The following GRID1 variants were observed in gnomAD, a reference collection of about 807,000 sequenced individuals.
GRID1 encodes the protein glutamate receptor ionotropic, delta-1.
Under a neutral mutation model 98.0 loss-of-function variants are expected in GRID1, and 28 were observed. That is an observed-to-expected ratio of 0.29 (90% CI 0.21 to 0.39). The LOEUF is 0.39. GRID1 is among the 10% of genes least tolerant of loss of function. GRID1 has a pLI of 1.00. For missense variants in GRID1, 1,111 were observed against 1,340.5 expected, an observed-to-expected ratio of 0.83 and a Z score of 2.67; for synonymous variants, 553 against 538.5, an observed-to-expected ratio of 1.03 and a Z score of -0.37.
intron 8 of GRID1, among the ~76,000 whole-genome samples, chr10:85,779,846 T>TG (rs1165323975): frequency 6.6e-6 from 1 of 152,208 alleles, no homozygotes; most frequent in Non-Finnish European, 1.5e-5. Flanking sequence ...ATGGAAATGA[T>TG]GGGTGCTTTC....
intron 5 of GRID1, among the ~76,000 whole-genome samples, chr10:85,875,216 C>T (rs1243305467): frequency 1.3e-5 from 2 of 152,100 alleles, no homozygotes; most frequent in East Asian, 3.9e-4. Flanking sequence ...TATAGAAAGA[C>T]AGCCCTTGCT....
chr10:86,083,694 T>A (rs1423263874), intron 4 of GRID1, among the ~76,000 whole-genome samples: 1 of 152,184 alleles, frequency 6.6e-6, no homozygotes. Flanking sequence ...GCTATCTTCA[T>A]CCCTAGGAAG....
At chr10:86,164,299 T>C (rs1394231334) in intron 3 of GRID1, among the ~76,000 whole-genome samples, 2 of 151,944 alleles carry the variant, frequency 1.3e-5, no homozygotes, top group East Asian at 1.9e-4. Context: ...TTCAGAACCA[T>C]GGAGGTGAGC....
At chr10:85,639,378 T>C (rs1843087800) in intron 13 of GRID1, among the ~76,000 whole-genome samples, 2 of 152,330 alleles carry the variant, frequency 1.3e-5, no homozygotes, top group Non-Finnish European at 1.5e-5. Context: ...AAATTTAATG[T>C]GTGGTGCTAG....
intron 2 of GRID1, among the ~76,000 whole-genome samples, chr10:86,227,475 A>G (rs1322691101): frequency 6.6e-6 from 1 of 152,120 alleles, no homozygotes; most frequent in East Asian, 1.9e-4. Context: ...CACAGGAGCA[A>G]TCTTCCTAAA....
intron 2 of GRID1, among the ~76,000 whole-genome samples, chr10:86,252,757 C>T (rs79580489): frequency 0.04 from 6,151 of 152,218 alleles, 235 homozygotes; most frequent in Admixed American, 0.11. Flanking sequence ...ATAACATTAC[C>T]GTCTCTGGGG....
At chr10:85,910,732 T>C (rs1841525887) in intron 5 of GRID1, among the ~76,000 whole-genome samples, 1 of 152,222 alleles carries the variant, frequency 6.6e-6, no homozygotes, top group South Asian at 2.1e-4. Flanking sequence ...ACCCTCATGC[T>C]AGGAACTTTA....
At chr10:85,692,838 AG>A (rs1841348783) in intron 12 of GRID1, among the ~76,000 whole-genome samples, 1 of 152,216 alleles carries the variant, frequency 6.6e-6, no homozygotes, top group African/African-American at 2.4e-5. Context: ...AACAAGCTAC[AG>A]GAAGTAACTG....
intron 12 of GRID1, among the ~76,000 whole-genome samples, chr10:85,666,254 G>A (rs1159296721): frequency 6.6e-6 from 1 of 152,140 alleles, no homozygotes; most frequent in African/African-American, 2.4e-5. Context: ...AGCCAGTATT[G>A]AAAACCAGGT....
rs547656128 is a variant in GRID1 at position 85,827,767 on chromosome 10, A to T, written c.1233+26729T>A. Among the ~76,000 whole-genome samples the T allele has an allele frequency of 6.2e-4, 95 of 152,302 alleles. 1 individual carries two copies. The South Asian group carries it at 0.019, about 31-fold the overall frequency. On this transcript the variant is annotated intron_variant, in intron 8 of 15. Transcript: ENST00000327946. ...ACCTAACTATTCTAAATATATATGC[A>T]TCAAACCCAGAAGCACCAAGGTCTT...
intron 4 of GRID1, among the ~76,000 whole-genome samples, chr10:86,133,938 A>C (rs896557969): frequency 6.6e-6 from 1 of 152,222 alleles, no homozygotes; most frequent in Non-Finnish European, 1.5e-5. Context: ...GTTTAAAATC[A>C]TTTAATTTTT....
chr10:86,103,332 C>T (rs938848362), intron 4 of GRID1, among the ~76,000 whole-genome samples: 6 of 152,220 alleles, frequency 3.9e-5, no homozygotes, highest in African/African-American at 1.4e-4. Context: ...CCAGAGCTGG[C>T]CATCAATTCC....
At chr10:85,731,842 AGG>A in intron 8 of GRID1, among the ~76,000 whole-genome samples, 1 of 111,768 alleles carries the variant, frequency 8.9e-6, no homozygotes, top group African/African-American at 3.3e-5. Flanking sequence ...GAAGGGAGGG[AGG>A]GAGGGAGGAA....
At chr10:86,259,716 G>A (rs1229543940) in intron 2 of GRID1, among the ~76,000 whole-genome samples, 1 of 152,214 alleles carries the variant, frequency 6.6e-6, no homozygotes, top group East Asian at 1.9e-4. Context: ...AAATGGCAGG[G>A]GCAGGGAAGG....
chr10:85,837,288 T>C (rs1590257066), intron 8 of GRID1, among the ~76,000 whole-genome samples: 1 of 152,222 alleles, frequency 6.6e-6, no homozygotes, highest in African/African-American at 2.4e-5. Context: ...CCAAACCAAC[T>C]CCACCTCCAG....
chr10:86,106,578 G>A (rs948462159), intron 4 of GRID1, among the ~76,000 whole-genome samples: 1 of 152,064 alleles, frequency 6.6e-6, no homozygotes, highest in Non-Finnish European at 1.5e-5. Context: ...GGAGGAGCCT[G>A]CTTCAGGTGC....
At chr10:86,260,232 C>T (rs1193920984) in intron 2 of GRID1, among the ~76,000 whole-genome samples, 1 of 152,238 alleles carries the variant, frequency 6.6e-6, no homozygotes. Context: ...CTGATTCCAT[C>T]CCAGGCACTC....
rs143951208 is a variant in GRID1, at chr10:85,719,635, A to G, written c.1997+3368T>C. Among the ~76,000 whole-genome samples, 57 of 152,244 alleles carry G rather than the reference A, an allele frequency of 3.7e-4. 1 individual carries two copies. In the East Asian group the frequency reaches 7.5e-3, roughly 20 times the overall value. On this transcript the variant is annotated intron_variant, in intron 12 of 15. Transcript: ENST00000327946. ...AGCACAGGAAAGACAGGCCCCTATGATTCAATTACCTCTCCCTGGGTCCCT... is the reference window on the plus strand; with the variant it reads ...AGCACAGGAAAGACAGGCCCCTATGGTTCAATTACCTCTCCCTGGGTCCCT...
intron 4 of GRID1, among the ~76,000 whole-genome samples, chr10:86,023,916 T>C (rs1564652780): frequency 1.3e-5 from 2 of 152,130 alleles, no homozygotes; most frequent in African/African-American, 2.4e-5. Context: ...AACAGATAAG[T>C]ATACAAAAAT....
Sources: allele counts gnomAD v4.1 joint callset (sites outside exome capture counted in the v4.1 genomes callset), GRCh38; gene constraint gnomAD v4.1.1; transcripts MANE v1.5; gene names NCBI Gene and HGNC (gene_info 2026-07-23, HGNC 2026-07-21).